ADARB2: variants seen among roughly 807,000 people sequenced by gnomAD.
ADARB2 encodes inactive double-stranded RNA-specific editase B2.
ADARB2 carries 25 observed loss-of-function variants against 62.2 expected under a neutral mutation model. The ratio of observed to expected loss-of-function variants is 0.40; its 90% CI spans 0.29 to 0.56. The LOEUF (loss-of-function observed/expected upper bound fraction) is 0.56. ADARB2 is among the 20% of genes least tolerant of loss of function. ADARB2 has a pLI of 0.43. For synonymous variants in ADARB2, 572 were observed against 500.8 expected (o/e 1.14, Z -1.90); for missense variants, 1,071 against 1,077.4 (o/e 0.99, Z 0.08).
chr10:1,365,816 C>G (rs1832309245), intron 2 of ADARB2, among the ~76,000 whole-genome samples: 1 of 152,202 alleles, frequency 6.6e-6, no homozygotes, highest in Admixed American at 6.5e-5. Context: ...AAGGTGTGCA[C>G]TGCAGCATGC....
intron 3 of ADARB2, among the ~76,000 whole-genome samples, chr10:1,356,915 C>T (rs1055927998): frequency 2.6e-5 from 4 of 152,186 alleles, no homozygotes; most frequent in Non-Finnish European, 4.4e-5. Context: ...TCTCTTCAGT[C>T]TTCTCCCTGA....
intron 1 of ADARB2, among the ~76,000 whole-genome samples, chr10:1,551,706 A>T (rs936640984): frequency 2.6e-5 from 4 of 152,224 alleles, no homozygotes; most frequent in Non-Finnish European, 4.4e-5. Flanking sequence ...AGGGCCTGGG[A>T]TTGGCTCCAA....
chr10:1,470,652 G>A (rs543656144), intron 1 of ADARB2, among the ~76,000 whole-genome samples: 3 of 152,224 alleles, frequency 2.0e-5, no homozygotes, highest in African/African-American at 7.2e-5. Flanking sequence ...TATGACTCAT[G>A]TAGTGTAACG....
intron 1 of ADARB2, among the ~76,000 whole-genome samples, chr10:1,593,882 A>C (rs1833299501): frequency 6.6e-6 from 1 of 152,146 alleles, no homozygotes; most frequent in South Asian, 2.1e-4. Context: ...TGATATGTGA[A>C]GTGCTTCTAC....
intron 1 of ADARB2, among the ~76,000 whole-genome samples, chr10:1,683,370 G>C (rs1025805174): frequency 1.3e-5 from 2 of 152,240 alleles, no homozygotes; most frequent in Non-Finnish European, 2.9e-5. Context: ...GGTATGGAAA[G>C]AAGAAAACCA....
At chr10:1,392,206 T>C (rs933733536) in intron 1 of ADARB2, among the ~76,000 whole-genome samples, 4 of 152,200 alleles carry the variant, frequency 2.6e-5, no homozygotes, top group African/African-American at 9.7e-5. Flanking sequence ...GCCTTTCCCT[T>C]TTGTGGGCCA....
chr10:1,332,692 T>C (rs56286629), intron 3 of ADARB2, among the ~76,000 whole-genome samples: 3,466 of 152,196 alleles, frequency 0.023, 99 homozygotes, highest in African/African-American at 0.069. Flanking sequence ...TCCCTCCCAC[T>C]CTAAGTTGTA....
rs558606597 is a variant in ADARB2, at chr10:1,335,478, G to A, written c.1077+27550C>T. Among the ~76,000 whole-genome samples the A allele has an allele frequency of 7.8e-5, 11 of 140,774 alleles. No individual in the cohort carries two copies. In the East Asian group the frequency reaches 2.6e-3, roughly 33 times the overall value. 92.4% of individuals were successfully genotyped at this position (140,774 alleles called of 152,430 possible). The stretch of plus-strand genomic sequence containing the variant: ...TAAACAGGGAAGAAGGGTGGGGGGT[G>A]AAGGAATGGGGGAAGGGTAGAAGGA... On this transcript the variant is annotated intron_variant, in intron 3 of 9. Coordinates refer to ENST00000381312, the MANE Select transcript of ADARB2 (RefSeq NM_018702.4).
intron 1 of ADARB2, among the ~76,000 whole-genome samples, chr10:1,575,484 T>C (rs1413775919): frequency 2.0e-5 from 3 of 151,800 alleles, no homozygotes; most frequent in African/African-American, 7.2e-5. Context: ...GGGAGAAAAG[T>C]AAGCAGATGG....
chr10:1,633,955 C>T (rs112859251), intron 1 of ADARB2, among the ~76,000 whole-genome samples: 1 of 152,200 alleles, frequency 6.6e-6, no homozygotes, highest in Non-Finnish European at 1.5e-5. Context: ...ACCTCACGAG[C>T]CCCATGGAGC....
Position 1,632,301 on chromosome 10 carries a change from C to T in ADARB2, c.100+104750G>A, listed in dbSNP as rs769668807. Among the ~76,000 whole-genome samples the T allele has an allele frequency of 7.8e-4, 119 of 152,206 alleles. 1 individual carries two copies. Among genetic ancestry groups the T allele is most frequent in the Non-Finnish European group, 1.4e-3 (96 of 67,992 alleles). ...CACATATGCACACACTACACACATG[C>T]GCACACACACAGGCACACAATACTC... is the stretch of plus-strand genomic sequence containing the variant. On this transcript the variant is annotated intron_variant, in intron 1 of 9. Transcript: ENST00000381312.
chr10:1,449,822 G>A lies in ADARB2; in HGVS notation c.101-70662C>T, dbSNP rs917922407. ...TCAATGGCTAAATTAAGGACTTTAC[G>A]GATACCTAATTTAGATAAACCCTTA... On this transcript the variant is annotated intron_variant, in intron 1 of 9. Coordinates refer to ENST00000381312, the MANE Select transcript of ADARB2 (RefSeq NM_018702.4). 4.6e-5 allele frequency among the ~76,000 whole-genome samples: 7 copies of A among 152,166 alleles called. No homozygotes were observed. In the East Asian group the frequency reaches 5.8e-4, roughly 13 times the overall value.
intron 3 of ADARB2, among the ~76,000 whole-genome samples, chr10:1,337,633 G>A (rs962719180): frequency 5.9e-5 from 9 of 152,060 alleles, no homozygotes; most frequent in Admixed American, 2.0e-4. Context: ...CTCCCACCGA[G>A]GCCTCATATC....
chr10:1,596,638 G>A (rs966526907), intron 1 of ADARB2, among the ~76,000 whole-genome samples: 1 of 152,204 alleles, frequency 6.6e-6, no homozygotes, highest in South Asian at 2.1e-4. Context: ...GGACCCGCTG[G>A]CTGAGTGGCT....
At chr10:1,581,898 C>T (rs565441430) in intron 1 of ADARB2, among the ~76,000 whole-genome samples, 27 of 151,780 alleles carry the variant, frequency 1.8e-4, no homozygotes, top group African/African-American at 6.5e-4. Context: ...CAGCACGCTG[C>T]CCACACATGC....
intron 1 of ADARB2, among the ~76,000 whole-genome samples, chr10:1,416,962 C>T (rs757917144): frequency 1.3e-5 from 2 of 152,206 alleles, no homozygotes; most frequent in Non-Finnish European, 2.9e-5. Flanking sequence ...ACATCAGACC[C>T]CCCGGCTTAG....
chr10:1,360,806 GC>G (rs1197365079), intron 3 of ADARB2, among the ~76,000 whole-genome samples: 1 of 152,262 alleles, frequency 6.6e-6, no homozygotes. Context: ...AGCGGCCATG[GC>G]TCTAACTGAT....
intron 1 of ADARB2, among the ~76,000 whole-genome samples, chr10:1,531,928 C>G (rs1002010791): frequency 6.6e-6 from 1 of 152,326 alleles, no homozygotes. Flanking sequence ...TTCCCATCCC[C>G]ACTGGAAGTT....
chr10:1,319,095 G>A lies in ADARB2; in HGVS notation c.1077+43933C>T, dbSNP rs369669398. Among the ~76,000 whole-genome samples, 113 of 152,322 alleles carry A rather than the reference G, an allele frequency of 7.4e-4. 3 individuals carry two copies. The South Asian group carries it at 0.021, about 28-fold the overall frequency. ...ACCCATGCCACATTGTGACAGTGACGAAAACAGAGTGAAGAATAAGGCCAG... is the reference window on the plus strand; with the variant it reads ...ACCCATGCCACATTGTGACAGTGACAAAAACAGAGTGAAGAATAAGGCCAG... On this transcript the variant is annotated intron_variant, in intron 3 of 9. Transcript: ENST00000381312.
Sources: allele counts gnomAD v4.1 joint callset (sites outside exome capture counted in the v4.1 genomes callset), GRCh38; gene constraint gnomAD v4.1.1; transcripts MANE v1.5; gene names NCBI Gene and HGNC (gene_info 2026-07-23, HGNC 2026-07-21).